Variants in ITPKB observed in about 807,000 individuals in gnomAD.
ITPKB encodes IP3 3-kinase B.
A neutral mutation model predicts 69.4 loss-of-function variants in ITPKB; 13 were observed. The observed-to-expected ratio is 0.19, with a 90% CI of 0.12 to 0.30. ITPKB has a LOEUF of 0.30. ITPKB is among the 10% of genes least tolerant of loss of function. ITPKB has a pLI of 1.00. For synonymous variants in ITPKB, 584 were observed against 513.7 expected, an observed-to-expected ratio of 1.14 and a Z score of -1.85; for missense variants, 1,240 against 1,250.5, an observed-to-expected ratio of 0.99 and a Z score of 0.13.
intron 2 of ITPKB, among the ~76,000 whole-genome samples, chr1:226,718,005 A>G (rs764204469): frequency 6.6e-4 from 101 of 152,378 alleles, no homozygotes; most frequent in Non-Finnish European, 9.4e-4. Context: ...ATTAGAGAAA[A>G]GCAAGTTGGC....
chr1:226,720,811 G>T (rs1053007957), intron 2 of ITPKB, among the ~76,000 whole-genome samples: 1 of 152,028 alleles, frequency 6.6e-6, no homozygotes, highest in Admixed American at 6.6e-5. Flanking sequence ...CAGCACTTTG[G>T]GAGGCCGAGA....
At chr1:226,679,993 T>G (rs1656038150) in intron 2 of ITPKB, among the ~76,000 whole-genome samples, 1 of 152,130 alleles carries the variant, frequency 6.6e-6, no homozygotes, top group Non-Finnish European at 1.5e-5. Context: ...CCCAGTAGAT[T>G]TCCTACTGCT....
chr1:226,732,196 C>G (rs909932406), intron 2 of ITPKB, among the ~76,000 whole-genome samples: 22 of 149,384 alleles, frequency 1.5e-4, no homozygotes, highest in Middle Eastern at 3.5e-3. Context: ...TATTACACTT[C>G]TTTATACACC....
intron 2 of ITPKB, among the ~76,000 whole-genome samples, chr1:226,731,332 T>G (rs1410712045): frequency 6.6e-6 from 1 of 152,226 alleles, no homozygotes; most frequent in African/African-American, 2.4e-5. Flanking sequence ...ATGATTTATT[T>G]TGATGATACT....
At chr1:226,722,280 C>A (rs1413240400) in intron 2 of ITPKB, among the ~76,000 whole-genome samples, 1 of 152,198 alleles carries the variant, frequency 6.6e-6, no homozygotes, top group Admixed American at 6.5e-5. Flanking sequence ...ACTCCAACTC[C>A]TAGGAGACTC....
In ITPKB at chr1:226,649,308, T is replaced by TGC. The variant is rs1291412612; in HGVS notation, c.1933-538_1933-537insGC. The stretch of plus-strand genomic sequence containing the variant: ...GTGTGTGCGTGTGTGTGCATGTGTG[T>TGC]GTGCATATGTGTGCATGAGTGTGTG... On this transcript the variant is annotated intron_variant, in intron 2 of 7. Transcript: ENST00000429204. 4.7e-5 allele frequency among the ~76,000 whole-genome samples: 7 copies of TGC among 148,332 alleles called. No homozygotes were observed. In the East Asian group the frequency reaches 5.9e-4, roughly 12 times the overall value.
intron 2 of ITPKB, among the ~76,000 whole-genome samples, chr1:226,733,371 G>C (rs995761080): frequency 6.6e-6 from 1 of 152,148 alleles, no homozygotes; most frequent in Non-Finnish European, 1.5e-5. Context: ...AAGATGTCTG[G>C]CCTTCTGTAG....
chr1:226,714,911 G>A (rs963497712), intron 2 of ITPKB, among the ~76,000 whole-genome samples: 4 of 152,258 alleles, frequency 2.6e-5, no homozygotes, highest in Admixed American at 6.5e-5. Context: ...AATGTCTGGA[G>A]ACATCTGGTT....
At position 226,648,787 on chromosome 1, in the gene ITPKB, C is replaced by T. The variant is rs570482582; in HGVS notation, c.1933-16G>A. 2 of 1,514,118 alleles carry T rather than the reference C, an allele frequency of 1.3e-6. No homozygotes were observed. Among genetic ancestry groups the T allele is most frequent in the African/African-American group, 1.4e-5 (1 of 72,974 alleles). The allele number at this position is 1,514,118 out of a possible 1,614,324, so 93.8% of individuals were successfully genotyped here. ...ATGATTTGCTCTAGAAACAAACAAA[C>T]AAAAAGCTCTACATTAGAAAGACAA... is the stretch of plus-strand genomic sequence containing the variant. On this transcript the variant is annotated splice_polypyrimidine_tract_variant and intron_variant, in intron 2 of 7. Transcript: ENST00000429204.
chr1:226,639,072 T>TTTC (rs1553316182), intron 6 of ITPKB, among the ~76,000 whole-genome samples: 5 of 134,464 alleles, frequency 3.7e-5, no homozygotes, highest in East Asian at 2.0e-4. Context: ...TTTTTTTTTT[T>TTTC]CCCAGACAGA....
At chr1:226,693,914 T>C (rs923670368) in intron 2 of ITPKB, among the ~76,000 whole-genome samples, 5 of 152,250 alleles carry the variant, frequency 3.3e-5, no homozygotes, top group Admixed American at 1.3e-4. Context: ...ACACCTTGTC[T>C]TCAAGGATAG....
intron 2 of ITPKB, among the ~76,000 whole-genome samples, chr1:226,712,000 G>A (rs542610250): frequency 9.9e-5 from 15 of 152,284 alleles, no homozygotes; most frequent in Admixed American, 3.9e-4. Context: ...CTCAGAAGGC[G>A]TCCCTCACCC....
Position 226,737,050 on chromosome 1 carries a change from C to T in ITPKB, c.409G>A (p.Glu137Lys). The change falls in exon 2 of 8, where the codon GAG (glutamate) becomes AAG (lysine). Residue 137 changes from glutamate (E) to lysine (K), a missense_variant. Physicochemically the swap from Glu to Lys is moderately conservative, Grantham distance 56. Coordinates refer to ENST00000429204, the MANE Select transcript of ITPKB (RefSeq NM_002221.4). ...AKRKLRILQR[E>K]LQNVQVNQKV... Reference sequence around the variant, plus strand: ...TGGTTCACCTGCACGTTCTGCAACTCGCGCTGCAAGATCCGCAGCTTCCTC... The same window carrying T: ...TGGTTCACCTGCACGTTCTGCAACTTGCGCTGCAAGATCCGCAGCTTCCTC... 6.2e-7 allele frequency: 1 copy of T among 1,612,178 alleles called. No individual in the cohort carries two copies. The highest frequency in any genetic ancestry group is 8.5e-7 in the Non-Finnish European group (1 of 1,179,934).
Position 226,736,010 on chromosome 1 carries a change from G to A in ITPKB, c.1449C>T (p.Asp483=), listed in dbSNP as rs1657742019. The A allele has an allele frequency of 5.0e-6, 8 of 1,613,648 alleles. No homozygotes were observed. The highest frequency in any genetic ancestry group is 1.3e-5 in the African/African-American group (1 of 74,938). Residue 483 remains aspartate, a synonymous_variant, in exon 2 of 8, where the codon GAC becomes GAT. Coordinates refer to ENST00000429204, the MANE Select transcript of ITPKB (RefSeq NM_002221.4). The part of the protein sequence containing the change: ...GRMLEPLPCW[D]AAKDLKEPQC... ...GAGGTTCTTTCAGATCTTTCGCAGC[G>A]TCCCAACAGGGCAAAGGCTCCAGCA...
chr1:226,716,610 T>A (rs1017467831), intron 2 of ITPKB, among the ~76,000 whole-genome samples: 3 of 152,210 alleles, frequency 2.0e-5, no homozygotes, highest in African/African-American at 7.2e-5. Flanking sequence ...ACTCAAAGTT[T>A]TTTTTAAAAA....
chr1:226,702,084 A>T (rs190549173), intron 2 of ITPKB, among the ~76,000 whole-genome samples: 1 of 152,222 alleles, frequency 6.6e-6, no homozygotes, highest in Non-Finnish European at 1.5e-5. Context: ...TGAGCAGGGA[A>T]ATTATTCCCC....
At chr1:226,701,596 T>C in intron 2 of ITPKB, among the ~76,000 whole-genome samples, 1 of 81,794 alleles carries the variant, frequency 1.2e-5, no homozygotes, top group African/African-American at 5.3e-5. Flanking sequence ...AGAGTGAGAC[T>C]CCGTCTCAAA....
At chr1:226,676,894 T>A (rs1481374993) in intron 2 of ITPKB, among the ~76,000 whole-genome samples, 1 of 152,230 alleles carries the variant, frequency 6.6e-6, no homozygotes, top group African/African-American at 2.4e-5. Context: ...ATTTCACCTT[T>A]TGAGCTCTAA....
At chr1:226,661,084 G>A (rs748616288) in intron 2 of ITPKB, among the ~76,000 whole-genome samples, 2 of 152,238 alleles carry the variant, frequency 1.3e-5, no homozygotes, top group Non-Finnish European at 2.9e-5. Flanking sequence ...AGCACCCGCA[G>A]AGTCCATCTT....
Sources: allele counts gnomAD v4.1 joint callset (sites outside exome capture counted in the v4.1 genomes callset), GRCh38; gene constraint gnomAD v4.1.1; transcripts MANE v1.5; gene names NCBI Gene and HGNC (gene_info 2026-07-23, HGNC 2026-07-21).